Variants in MICU2 observed in about 807,000 individuals in gnomAD.
The protein encoded by MICU2 is calcium uptake protein 2, mitochondrial.
Under a neutral mutation model 60.4 loss-of-function variants are expected in MICU2, and 64 were observed. The observed-to-expected ratio is 1.06, with a 90% CI of 0.87 to 1.31. MICU2 has a LOEUF of 1.31. Ranked by LOEUF, MICU2 falls within the 50% of genes most tolerant of loss-of-function variation. The pLI is 0.00. For missense variants in MICU2, 569 were observed against 531.0 expected, an observed-to-expected ratio of 1.07 and a Z score of -0.70; for synonymous variants, 201 against 175.0, an observed-to-expected ratio of 1.15 and a Z score of -1.17.
intron 4 of MICU2, among the ~76,000 whole-genome samples, chr13:21,536,338 ATT>A (rs532503991): frequency 6.8e-6 from 1 of 146,296 alleles, no homozygotes; most frequent in African/African-American, 2.5e-5. Flanking sequence ...TTAAAACTAA[ATT>A]TTTTTTTTTT....
chr13:21,537,696 CTG>C (rs1887167740), intron 4 of MICU2, among the ~76,000 whole-genome samples: 1 of 152,128 alleles, frequency 6.6e-6, no homozygotes. Context: ...GTCTCAAACT[CTG>C]TACCTCAGGT....
intron 1 of MICU2, among the ~76,000 whole-genome samples, chr13:21,594,422 A>T (rs886292615): frequency 1.3e-5 from 2 of 152,258 alleles, no homozygotes; most frequent in African/African-American, 4.8e-5. Context: ...ACACTTTTAC[A>T]CTATTGGTGG....
intron 1 of MICU2, among the ~76,000 whole-genome samples, chr13:21,572,943 C>CCA (rs11423801): frequency 1.5e-4 from 21 of 143,286 alleles, no homozygotes; most frequent in Non-Finnish European, 3.0e-4. Flanking sequence ...GTAAATAATA[C>CCA]AAAAAAAAAA....
In MICU2 at chr13:21,493,126, A is replaced by C. The variant is rs1034762390; in HGVS notation, c.*123T>G. On this transcript the variant is annotated 3_prime_UTR_variant, in exon 12 of 12. Coordinates refer to ENST00000382374, the MANE Select transcript of MICU2 (RefSeq NM_152726.3). ...AAATTATGAATCAGAAAGCAAGTAC[A>C]AGACATGCTTATTTCACACAGAATA... 1 of 518,716 alleles carries C rather than the reference A, an allele frequency of 1.9e-6. No homozygotes were observed. The highest frequency in any genetic ancestry group is 3.2e-6 in the Non-Finnish European group (1 of 310,546). 32.1% of individuals were successfully genotyped at this position (518,716 alleles called of 1,614,324 possible). A position where few individuals can be genotyped will look rare whatever the true frequency, so the allele number is the denominator to read the frequency against.
At chr13:21,543,651 C>T (rs536545807) in intron 2 of MICU2, among the ~76,000 whole-genome samples, 1 of 151,996 alleles carries the variant, frequency 6.6e-6, no homozygotes, top group Non-Finnish European at 1.5e-5. Context: ...AAAACACTGA[C>T]GAAAGAAACC....
chr13:21,566,873 A>C lies in MICU2; in HGVS notation c.282T>G (p.Ser94=), dbSNP rs150339447. 1.3e-4 allele frequency: 215 copies of C among 1,613,312 alleles called. No individual in the cohort carries two copies. In the African/African-American group the frequency reaches 2.6e-3, roughly 19 times the overall value. The change falls in exon 2 of 12, where the codon TCT becomes TCG. Residue 94 remains serine (S), a synonymous_variant. Coordinates refer to ENST00000382374, the MANE Select transcript of MICU2 (RefSeq NM_152726.3). The part of the protein sequence containing the change: ...SLRKQRFMQF[S]SLEHEGEYYM... ...AATATTCTCCTTCATGTTCGAGTGA[A>C]GAAAACTGCATGAAGCGCTGCTTAC...
intron 2 of MICU2, among the ~76,000 whole-genome samples, chr13:21,549,621 G>T (rs1887502260): frequency 1.5e-5 from 2 of 130,076 alleles, no homozygotes; most frequent in Admixed American, 7.9e-5. Flanking sequence ...ATATTTATTT[G>T]CAAAAAAATC....
At chr13:21,513,422 AT>A (rs764561695) in intron 7 of MICU2, among the ~76,000 whole-genome samples, 1 of 151,926 alleles carries the variant, frequency 6.6e-6, no homozygotes, top group Non-Finnish European at 1.5e-5. Context: ...TCCCTGCCCT[AT>A]TTGTTTTAAT....
intron 1 of MICU2, among the ~76,000 whole-genome samples, chr13:21,598,325 A>G (rs960724878): frequency 6.6e-6 from 1 of 152,196 alleles, no homozygotes; most frequent in Admixed American, 6.5e-5. Context: ...AATATCACTG[A>G]TATCACTGTT....
chr13:21,552,300 G>C (rs937947539), intron 2 of MICU2, among the ~76,000 whole-genome samples: 4 of 152,006 alleles, frequency 2.6e-5, no homozygotes, highest in Non-Finnish European at 5.9e-5. Context: ...TTGTAAATTT[G>C]TTTGAGTTCA....
At chr13:21,552,655 C>T (rs971251931) in intron 2 of MICU2, among the ~76,000 whole-genome samples, 2 of 152,120 alleles carry the variant, frequency 1.3e-5, no homozygotes, top group Non-Finnish European at 2.9e-5. Context: ...TATGGCTAGC[C>T]AGTTTTCCCA....
At chr13:21,504,376 C>T (rs975368352) in intron 8 of MICU2, among the ~76,000 whole-genome samples, 1 of 152,020 alleles carries the variant, frequency 6.6e-6, no homozygotes, top group African/African-American at 2.4e-5. Context: ...TGTTCCTTTC[C>T]CTTTTTTCTT....
chr13:21,520,872 T>G (rs2138164831), intron 6 of MICU2, among the ~76,000 whole-genome samples: 1 of 152,260 alleles, frequency 6.6e-6, no homozygotes, highest in African/African-American at 2.4e-5. Flanking sequence ...GGCTTAAGTT[T>G]TTATTATGTC....
rs73443900 is a variant in MICU2 at position 21,569,743 on chromosome 13, T to A, written c.211-2799A>T. 2.0e-5 allele frequency among the ~76,000 whole-genome samples: 3 copies of A among 151,504 alleles called. No homozygotes were observed. The East Asian group carries it at 5.8e-4, about 29-fold the overall frequency. ...GTATATGCAGAGCAGGGTGCTAATA[T>A]CTTTACATACATGTTCTTACTCAGT... On this transcript the variant is annotated intron_variant, in intron 1 of 11. Coordinates refer to ENST00000382374, the MANE Select transcript of MICU2 (RefSeq NM_152726.3).
At chr13:21,592,047 C>A (rs1888595302) in intron 1 of MICU2, among the ~76,000 whole-genome samples, 1 of 97,058 alleles carries the variant, frequency 1.0e-5, no homozygotes. Context: ...ACAAGAAAAT[C>A]CTCCAAAAAA....
chr13:21,567,294 T>TAAC (rs1358770431), intron 1 of MICU2, among the ~76,000 whole-genome samples: 9 of 152,114 alleles, frequency 5.9e-5, no homozygotes, highest in Non-Finnish European at 1.3e-4. Flanking sequence ...TCTGAAGAGG[T>TAAC]AACACTTAGA....
intron 4 of MICU2, among the ~76,000 whole-genome samples, chr13:21,538,154 T>G (rs1347369106): frequency 1.3e-5 from 2 of 152,284 alleles, no homozygotes; most frequent in African/African-American, 2.4e-5. Context: ...CTGCGTTTAC[T>G]TTTCTCATAT....
intron 4 of MICU2, among the ~76,000 whole-genome samples, chr13:21,528,700 A>G (rs1184686246): frequency 6.6e-6 from 1 of 152,246 alleles, no homozygotes; most frequent in Non-Finnish European, 1.5e-5. Context: ...CTTTTCCCTC[A>G]AGGAATTTAT....
chr13:21,590,967 C>T (rs910925520), intron 1 of MICU2, among the ~76,000 whole-genome samples: 9 of 152,284 alleles, frequency 5.9e-5, no homozygotes, highest in African/African-American at 2.2e-4. Context: ...TACGAAGAAA[C>T]TGCATCAACT....
Sources: allele counts gnomAD v4.1 joint callset (sites outside exome capture counted in the v4.1 genomes callset), GRCh38; gene constraint gnomAD v4.1.1; transcripts MANE v1.5; gene names NCBI Gene and HGNC (gene_info 2026-07-23, HGNC 2026-07-21).